The following MAD1L1 variants were observed in gnomAD, a reference collection of about 807,000 sequenced individuals.
MAD1L1 encodes mitotic spindle assembly checkpoint protein MAD1.
MAD1L1 carries 95 observed loss-of-function variants against 96.9 expected under a neutral mutation model. The ratio of observed to expected loss-of-function variants is 0.98; its 90% confidence interval spans 0.83 to 1.16. The LOEUF (loss-of-function observed/expected upper bound fraction) is 1.16, where lower values mean the gene tolerates loss of function less well. Among genes scored for constraint, MAD1L1 ranks in the 50% most tolerant of loss-of-function variants. MAD1L1 has a pLI of 0.00. For synonymous variants in MAD1L1, 473 were observed against 396.6 expected (o/e 1.19, Z -2.29); for missense variants, 1,007 against 954.4 (o/e 1.06, Z -0.73).
intron 18 of MAD1L1, among the ~76,000 whole-genome samples, chr7:1,842,300 C>T (rs866327784): frequency 1.5e-4 from 23 of 152,334 alleles, no homozygotes; most frequent in South Asian, 8.3e-4. Context: ...GCTCCCGCTC[C>T]GTGTGGCCGC....
intron 18 of MAD1L1, chr7:1,846,382 G>A (rs1783624253): frequency 6.5e-6 from 1 of 152,678 alleles, no homozygotes; most frequent in Admixed American, 6.5e-5. Flanking sequence ...TGTTTCCATA[G>A]AGGGTTCAGG....
At chr7:2,025,935 C>T (rs545146455) in intron 12 of MAD1L1, among the ~76,000 whole-genome samples, 113 of 151,896 alleles carry the variant, frequency 7.4e-4, no homozygotes, top group African/African-American at 2.3e-3. Flanking sequence ...TCATAAAAAA[C>T]GAATAAAAAC....
At chr7:1,926,632 C>T (rs951712582) in intron 17 of MAD1L1, among the ~76,000 whole-genome samples, 1 of 152,148 alleles carries the variant, frequency 6.6e-6, no homozygotes. Flanking sequence ...GGAAAAAAAA[C>T]ATACGATCCC....
intron 11 of MAD1L1, among the ~76,000 whole-genome samples, chr7:2,085,496 G>T (rs3778950): frequency 0.045 from 6,925 of 152,296 alleles, 253 homozygotes; most frequent in African/African-American, 0.095. Context: ...GAGCACATGA[G>T]GCCACGGCAG....
intron 18 of MAD1L1, chr7:1,829,488 C>G (rs1782596905): frequency 6.6e-6 from 1 of 152,250 alleles, no homozygotes; most frequent in African/African-American, 2.4e-5. Flanking sequence ...CCAGCAGAGC[C>G]AAGAGGACTG....
At chr7:1,926,640 C>T (rs951905273) in intron 17 of MAD1L1, among the ~76,000 whole-genome samples, 3 of 152,200 alleles carry the variant, frequency 2.0e-5, no homozygotes, top group Non-Finnish European at 2.9e-5. Context: ...AACATACGAT[C>T]CCATCAATTG....
chr7:1,847,214 C>A (rs866960022), intron 18 of MAD1L1: 1 of 469,198 alleles, frequency 2.1e-6, no homozygotes, highest in Admixed American at 2.4e-5. Context: ...GGCCACACAT[C>A]TTTTCCAACT....
intron 7 of MAD1L1, among the ~76,000 whole-genome samples, chr7:2,217,487 C>T (rs1461475640): frequency 6.6e-6 from 1 of 152,180 alleles, no homozygotes. Flanking sequence ...AGGGCACGGC[C>T]AGAGCACAGG....
chr7:2,025,865 T>C (rs1436329729), intron 12 of MAD1L1, among the ~76,000 whole-genome samples: 3 of 152,222 alleles, frequency 2.0e-5, no homozygotes, highest in Non-Finnish European at 4.4e-5. Flanking sequence ...TAAAATTACA[T>C]AAAAGCACAC....
At chr7:1,881,672 G>A (rs1274728434) in intron 18 of MAD1L1, among the ~76,000 whole-genome samples, 2 of 152,182 alleles carry the variant, frequency 1.3e-5, no homozygotes, top group Non-Finnish European at 2.9e-5. Context: ...AAATGCTCAC[G>A]ATATAGTGTC....
intron 12 of MAD1L1, among the ~76,000 whole-genome samples, chr7:2,048,288 C>G (rs56265641): frequency 0.048 from 7,253 of 152,310 alleles, 270 homozygotes; most frequent in Non-Finnish European, 0.062. Context: ...GAGCAGCTAC[C>G]TGGGCTGCGA....
At chr7:1,958,510 G>A (rs1249570855) in intron 15 of MAD1L1, among the ~76,000 whole-genome samples, 9 of 152,176 alleles carry the variant, frequency 5.9e-5, no homozygotes, top group Admixed American at 5.2e-4. Flanking sequence ...GCTCCAGGGC[G>A]TCCCAGCACA....
rs1234833298 is a variant in MAD1L1, at chr7:2,142,400, AGGCATGGT to A, written c.1073+6744_1073+6751del. ...ATGGCGCAGGTGCACTGTGCGTCCC[AGGCATGGT>A]CCGGGGCTGCGGGAGAAACTCTTGG... On this transcript the variant is annotated intron_variant, in intron 11 of 18. Coordinates refer to ENST00000265854, the MANE Select transcript of MAD1L1 (RefSeq NM_001013836.2). This position sits in a 1 kb window ranked among gnomAD's most constrained non-coding sequence, Gnocchi z 4.7. Among the ~76,000 whole-genome samples the A allele has an allele frequency of 6.6e-6, 1 of 152,216 alleles. No homozygotes were observed. The highest frequency in any genetic ancestry group is 1.9e-4 in the East Asian group (1 of 5,194).
At chr7:2,199,386 A>G (rs1271709557) in intron 10 of MAD1L1, among the ~76,000 whole-genome samples, 1 of 152,220 alleles carries the variant, frequency 6.6e-6, no homozygotes, top group Admixed American at 6.5e-5. Context: ...CACGTGTCAC[A>G]GCCAAGACTC....
chr7:2,016,717 C>G (rs1782558899), intron 12 of MAD1L1, among the ~76,000 whole-genome samples: 1 of 152,274 alleles, frequency 6.6e-6, no homozygotes, highest in Non-Finnish European at 1.5e-5. Context: ...ACACAGGTGC[C>G]ACCCTGGTGT....
intron 16 of MAD1L1, among the ~76,000 whole-genome samples, chr7:1,957,339 G>A (rs925970858): frequency 1.3e-5 from 2 of 152,196 alleles, no homozygotes; most frequent in South Asian, 2.1e-4. Flanking sequence ...GTCCAGCCTC[G>A]CCACAGCAGA....
chr7:2,152,292 C>A (rs1414395545), intron 10 of MAD1L1, among the ~76,000 whole-genome samples: 1 of 152,252 alleles, frequency 6.6e-6, no homozygotes, highest in Non-Finnish European at 1.5e-5. Flanking sequence ...ACTGAAGCTG[C>A]AGGGCTTGCT....
intron 18 of MAD1L1, among the ~76,000 whole-genome samples, chr7:1,896,505 T>A (rs114618177): frequency 0.018 from 2,802 of 152,278 alleles, 76 homozygotes; most frequent in African/African-American, 0.063. Context: ...GACGGTGTTT[T>A]TAAAAAGTGA....
intron 18 of MAD1L1, among the ~76,000 whole-genome samples, chr7:1,878,281 A>C (rs1027173279): frequency 6.6e-6 from 1 of 152,164 alleles, no homozygotes. Context: ...TTCCAGAAAA[A>C]AGAGGAGGAG....
Sources: gnomAD v4.1 joint callset for allele counts (sites outside exome capture counted in the v4.1 genomes callset) on GRCh38, gnomAD v4.1.1 for gene constraint, Gnocchi (gnomAD v3.1) non-coding constraint, MANE v1.5 for transcripts, NCBI Gene and HGNC (gene_info 2026-07-23, HGNC 2026-07-21) for gene names.